Variants in NELL2 observed in about 807,000 individuals in gnomAD.
The protein encoded by NELL2 is neural EGFL like 2, also known as protein kinase C-binding protein NELL2.
NELL2 carries 41 observed loss-of-function variants against 109.6 expected under a neutral mutation model. The ratio of observed to expected loss-of-function variants is 0.37; its 90% confidence interval spans 0.29 to 0.49. The LOEUF (loss-of-function observed/expected upper bound fraction) is 0.49. NELL2 is among the 20% of genes least tolerant of loss of function. NELL2 has a pLI of 0.98. For missense variants in NELL2, 900 were observed against 1,008.3 expected (o/e 0.89, Z 1.45); for synonymous variants, 355 against 344.7 (o/e 1.03, Z -0.33).
intron 15 of NELL2, among the ~76,000 whole-genome samples, chr12:44,572,450 G>T (rs1475144909): frequency 6.6e-6 from 1 of 152,078 alleles, no homozygotes; most frequent in African/African-American, 2.4e-5. Flanking sequence ...TGCCTGGTCT[G>T]CTCTTTTTGA....
Position 44,852,969 on chromosome 12 carries a change from CT to C in NELL2, c.184+22255del, listed in dbSNP as rs1944576693. On this transcript the variant is annotated intron_variant, in intron 2 of 19. Coordinates refer to ENST00000429094, the MANE Select transcript of NELL2 (RefSeq NM_001145108.2). ...TTGTAGCAACTTTTAAAAAATTGACCTCTACATCAGAGGCTTAGTGTCTTCA... is the reference window on the plus strand; with the variant it reads ...TTGTAGCAACTTTTAAAAAATTGACCCTACATCAGAGGCTTAGTGTCTTCA... 3.3e-5 allele frequency among the ~76,000 whole-genome samples: 5 copies of C among 152,162 alleles called. No individual in the cohort carries two copies. In the South Asian group the frequency reaches 8.3e-4, roughly 25 times the overall value.
chr12:44,634,869 A>C (rs1213479576), intron 13 of NELL2, among the ~76,000 whole-genome samples: 1 of 151,830 alleles, frequency 6.6e-6, no homozygotes, highest in African/African-American at 2.4e-5. Context: ...GAGAACATGC[A>C]GTATTTGGTT....
exon 1 of NELL2, chr12:44,913,813 A>C (rs755045944): frequency 2.0e-5 from 17 of 833,042 alleles, no homozygotes; most frequent in South Asian, 1.4e-4. Context: ...TGAGGATTAA[A>C]ATGAGAAGTC....
chr12:44,759,803 C>A (rs1941046208), intron 9 of NELL2, among the ~76,000 whole-genome samples: 4 of 152,172 alleles, frequency 2.6e-5, no homozygotes, highest in Non-Finnish European at 4.4e-5. Flanking sequence ...GAAGTCCTCC[C>A]ATTTAGAGTG....
chr12:44,752,272 C>T (rs751819130), intron 9 of NELL2, among the ~76,000 whole-genome samples: 4 of 152,192 alleles, frequency 2.6e-5, no homozygotes, highest in Non-Finnish European at 5.9e-5. Flanking sequence ...TACCTCACAC[C>T]TAGTTATTTT....
intron 1 of NELL2, among the ~76,000 whole-genome samples, chr12:44,882,408 G>C (rs887580927): frequency 6.9e-6 from 1 of 145,652 alleles, no homozygotes; most frequent in Non-Finnish European, 1.5e-5. Context: ...ATACACATAT[G>C]TATATATGTT....
intron 2 of NELL2, among the ~76,000 whole-genome samples, chr12:44,859,225 T>C (rs184946048): frequency 6.6e-6 from 1 of 152,348 alleles, no homozygotes; most frequent in African/African-American, 2.4e-5. Flanking sequence ...GCAATAAATA[T>C]TTGTTAATTT....
At chr12:44,889,609 G>A (rs1164664189) in intron 1 of NELL2, among the ~76,000 whole-genome samples, 2 of 151,974 alleles carry the variant, frequency 1.3e-5, no homozygotes, top group African/African-American at 4.8e-5. Context: ...GACTGTTAAC[G>A]TGAAAGGCTA....
intron 2 of NELL2, among the ~76,000 whole-genome samples, chr12:44,835,043 C>T (rs2136733857): frequency 6.6e-6 from 1 of 152,206 alleles, no homozygotes; most frequent in East Asian, 1.9e-4. Flanking sequence ...AGGGAGGTCT[C>T]ACAGTTTATC....
chr12:44,740,177 C>A (rs1939875466), intron 9 of NELL2, among the ~76,000 whole-genome samples: 1 of 152,054 alleles, frequency 6.6e-6, no homozygotes. Context: ...CAATTCTGGC[C>A]AATGAGAAAT....
chr12:44,510,292 AT>A (rs1380458416), intron 19 of NELL2, among the ~76,000 whole-genome samples: 21 of 152,182 alleles, frequency 1.4e-4, no homozygotes, highest in African/African-American at 4.1e-4. Context: ...TTGGATTCCT[AT>A]TAATAGTCAC....
At chr12:44,726,652 T>G (rs1939097686) in intron 9 of NELL2, among the ~76,000 whole-genome samples, 1 of 152,186 alleles carries the variant, frequency 6.6e-6, no homozygotes, top group African/African-American at 2.4e-5. Context: ...TTGATTGCAA[T>G]TGCTTTCAAA....
intron 15 of NELL2, among the ~76,000 whole-genome samples, chr12:44,551,738 T>C (rs985122315): frequency 1.3e-5 from 2 of 152,184 alleles, no homozygotes; most frequent in Non-Finnish European, 2.9e-5. Context: ...TGTGTAAATA[T>C]CTGGAAGACA....
chr12:44,541,202 G>A (rs1942547223), intron 15 of NELL2, among the ~76,000 whole-genome samples: 1 of 126,530 alleles, frequency 7.9e-6, no homozygotes, highest in Non-Finnish European at 1.6e-5. Flanking sequence ...AGTGAGCCGA[G>A]ATCACGCCAC....
At chr12:44,740,724 C>T (rs1057078256) in intron 9 of NELL2, among the ~76,000 whole-genome samples, 8 of 152,102 alleles carry the variant, frequency 5.3e-5, no homozygotes, top group Admixed American at 2.6e-4. Flanking sequence ...GCATGCAGGT[C>T]TCCTCTGCTA....
At chr12:44,782,101 C>G (rs73104333) in intron 3 of NELL2, among the ~76,000 whole-genome samples, 1 of 151,764 alleles carries the variant, frequency 6.6e-6, no homozygotes, top group East Asian at 1.9e-4. Context: ...GTATGTTAAA[C>G]AATATTTAAA....
intron 2 of NELL2, among the ~76,000 whole-genome samples, chr12:44,832,041 A>G (rs1943904753): frequency 1.3e-5 from 2 of 152,184 alleles, no homozygotes; most frequent in Non-Finnish European, 2.9e-5. Flanking sequence ...TTTTCTGTAT[A>G]AAAACAGAGA....
intron 15 of NELL2, among the ~76,000 whole-genome samples, chr12:44,559,979 C>T (rs888557677): frequency 2.0e-5 from 3 of 152,180 alleles, no homozygotes; most frequent in Non-Finnish European, 4.4e-5. Flanking sequence ...CAAAGAGTCT[C>T]TCAGACCACA....
intron 3 of NELL2, among the ~76,000 whole-genome samples, chr12:44,803,585 TAGGTTTGC>T (rs1566432557): frequency 6.6e-6 from 1 of 152,016 alleles, no homozygotes; most frequent in African/African-American, 2.4e-5. Context: ...AACTTTTCTG[TAGGTTTGC>T]AGCTATTTCA....
Sources: gnomAD v4.1 joint callset for allele counts (sites outside exome capture counted in the v4.1 genomes callset) on GRCh38, gnomAD v4.1.1 for gene constraint, MANE v1.5 for transcripts, NCBI Gene and HGNC (gene_info 2026-07-23, HGNC 2026-07-21) for gene names.